SGCZ: variants seen among roughly 807,000 people sequenced by gnomAD.
SGCZ encodes sarcoglycan zeta, also known as zeta-sarcoglycan.
Under a neutral mutation model 41.3 loss-of-function variants are expected in SGCZ, and 40 were observed. The observed-to-expected ratio is 0.97, with a 90% CI of 0.75 to 1.26. The LOEUF (loss-of-function observed/expected upper bound fraction) is 1.26, where lower values mean the gene tolerates loss of function less well. Among genes scored for constraint, SGCZ ranks in the 50% most tolerant of loss-of-function variants. The pLI is 0.00. For synonymous variants in SGCZ, 206 were observed against 137.5 expected, an observed-to-expected ratio of 1.50 and a Z score of -3.49; for missense variants, 552 against 369.8, an observed-to-expected ratio of 1.49 and a Z score of -4.04.
At chr8:14,433,091 G>C (rs1055784661) in intron 2 of SGCZ, among the ~76,000 whole-genome samples, 79 of 152,068 alleles carry the variant, frequency 5.2e-4, no homozygotes, top group African/African-American at 1.8e-3. Flanking sequence ...TATAAATAAA[G>C]GAATTTCACA....
At chr8:14,857,769 G>C (rs2130670805) in intron 1 of SGCZ, among the ~76,000 whole-genome samples, 1 of 152,244 alleles carries the variant, frequency 6.6e-6, no homozygotes, top group East Asian at 1.9e-4. Context: ...GGGAGGCTCA[G>C]GCAGGACAAT....
At chr8:14,673,502 G>T (rs1195062485) in intron 1 of SGCZ, among the ~76,000 whole-genome samples, 1 of 151,892 alleles carries the variant, frequency 6.6e-6, no homozygotes, top group Admixed American at 6.6e-5. Flanking sequence ...TGAAGTAGGT[G>T]CCTGCTTCCC....
intron 2 of SGCZ, among the ~76,000 whole-genome samples, chr8:14,508,734 G>A (rs1802381457): frequency 6.6e-6 from 1 of 152,134 alleles, no homozygotes; most frequent in African/African-American, 2.4e-5. Flanking sequence ...TGGTTGTCAA[G>A]TTTTAGACTA....
chr8:14,474,273 T>C (rs892627210), intron 2 of SGCZ, among the ~76,000 whole-genome samples: 1 of 152,218 alleles, frequency 6.6e-6, no homozygotes, highest in Non-Finnish European at 1.5e-5. Context: ...TCATACCAAA[T>C]GATATGCATA....
intron 1 of SGCZ, among the ~76,000 whole-genome samples, chr8:14,856,429 C>G (rs936790936): frequency 6.6e-6 from 1 of 151,430 alleles, no homozygotes; most frequent in South Asian, 2.1e-4. Flanking sequence ...AAGTTCAGCA[C>G]TATCACATAT....
intron 2 of SGCZ, among the ~76,000 whole-genome samples, chr8:14,349,032 C>T (rs997261309): frequency 6.6e-6 from 1 of 152,006 alleles, no homozygotes; most frequent in African/African-American, 2.4e-5. Context: ...TCATCCAAAT[C>T]CTTTTTAATA....
chr8:14,299,163 T>G (rs1230887445), intron 3 of SGCZ, among the ~76,000 whole-genome samples: 1 of 151,946 alleles, frequency 6.6e-6, no homozygotes, highest in Non-Finnish European at 1.5e-5. Flanking sequence ...ACCATGCACA[T>G]CAACTAAATT....
At chr8:14,375,346 CTGAGTA>C (rs1336980684) in intron 2 of SGCZ, among the ~76,000 whole-genome samples, 7 of 152,024 alleles carry the variant, frequency 4.6e-5, no homozygotes, top group African/African-American at 1.5e-4. Context: ...ACACACCACT[CTGAGTA>C]TAAGAAAGGT....
chr8:14,225,963 T>C (rs1470150688), intron 4 of SGCZ, among the ~76,000 whole-genome samples: 1 of 152,046 alleles, frequency 6.6e-6, no homozygotes, highest in Non-Finnish European at 1.5e-5. Context: ...TTATCAAAAG[T>C]TTCCACAATT....
chr8:15,130,520 T>G (rs941735762), intron 1 of SGCZ, among the ~76,000 whole-genome samples: 4 of 152,210 alleles, frequency 2.6e-5, no homozygotes, highest in African/African-American at 9.6e-5. Context: ...TAAACTGCAC[T>G]AAGCTAAACA....
intron 1 of SGCZ, among the ~76,000 whole-genome samples, chr8:14,572,327 G>T (rs949701214): frequency 6.6e-6 from 1 of 152,018 alleles, no homozygotes; most frequent in South Asian, 2.1e-4. Flanking sequence ...AAAATGAAAA[G>T]GAATCCTTTT....
intron 1 of SGCZ, among the ~76,000 whole-genome samples, chr8:14,613,329 T>A (rs1183279218): frequency 2.0e-5 from 3 of 152,210 alleles, no homozygotes; most frequent in African/African-American, 7.2e-5. Context: ...TGAAGGAAAC[T>A]AGTAAGTTTA....
rs1340452213 is a variant in SGCZ at position 14,388,700 on chromosome 8, T to G, written c.235-64496A>C. Among the ~76,000 whole-genome samples, 4 of 151,910 alleles carry G rather than the reference T, an allele frequency of 2.6e-5. No individual in the cohort carries two copies. The East Asian group carries it at 7.7e-4, about 29-fold the overall frequency. On this transcript the variant is annotated intron_variant, in intron 2 of 7. Transcript: ENST00000382080. ...AGTCAAAGAATGGGTGGCAAATCCT[T>G]GAAGATGAACAAGCAATGATGGAGT...
intron 1 of SGCZ, among the ~76,000 whole-genome samples, chr8:15,132,119 TA>T (rs1251371742): frequency 6.6e-6 from 1 of 152,236 alleles, no homozygotes; most frequent in Non-Finnish European, 1.5e-5. Flanking sequence ...CTCAGTTAAT[TA>T]CAAGTCATTG....
chr8:15,211,758 T>A (rs1164272659), intron 1 of SGCZ, among the ~76,000 whole-genome samples: 1 of 152,164 alleles, frequency 6.6e-6, no homozygotes, highest in Non-Finnish European at 1.5e-5. Flanking sequence ...CCCCTTCTAA[T>A]AACTACTGTT....
chr8:14,360,015 T>C (rs769044611), intron 2 of SGCZ, among the ~76,000 whole-genome samples: 6 of 152,158 alleles, frequency 3.9e-5, no homozygotes, highest in South Asian at 4.1e-4. Flanking sequence ...AAAATTTATA[T>C]AGTCATTTCA....
intron 1 of SGCZ, among the ~76,000 whole-genome samples, chr8:14,830,173 G>A (rs940406222): frequency 6.6e-6 from 1 of 152,086 alleles, no homozygotes; most frequent in Admixed American, 6.5e-5. Flanking sequence ...TAAAAATATG[G>A]ACCAACTTTA....
intron 1 of SGCZ, among the ~76,000 whole-genome samples, chr8:14,681,036 G>A (rs546603643): frequency 9.5e-5 from 14 of 147,332 alleles, no homozygotes; most frequent in African/African-American, 3.5e-4. Flanking sequence ...ACTTTTAATT[G>A]AAATCCATAG....
chr8:14,421,570 A>G (rs764340554), intron 2 of SGCZ, among the ~76,000 whole-genome samples: 7 of 152,112 alleles, frequency 4.6e-5, no homozygotes, highest in Non-Finnish European at 7.4e-5. Flanking sequence ...ACAAGGACAC[A>G]ATCAACCTAT....
Sources: gnomAD v4.1 joint callset for allele counts (sites outside exome capture counted in the v4.1 genomes callset) on GRCh38, gnomAD v4.1.1 for gene constraint, MANE v1.5 for transcripts, NCBI Gene and HGNC (gene_info 2026-07-23, HGNC 2026-07-21) for gene names.